Variants in ADGRE3 observed in about 807,000 individuals in gnomAD.
The protein encoded by ADGRE3 is adhesion G protein-coupled receptor E3.
A neutral mutation model predicts 80.1 loss-of-function variants in ADGRE3; 88 were observed. The ratio of observed to expected loss-of-function variants is 1.10; its 90% CI spans 0.93 to 1.31. The LOEUF (loss-of-function observed/expected upper bound fraction) is 1.31. Among genes scored for constraint, ADGRE3 ranks in the 40% most tolerant of loss-of-function variants. ADGRE3 has a pLI of 0.00. For missense variants in ADGRE3, 715 were observed against 776.5 expected (o/e 0.92, Z 0.94); for synonymous variants, 281 against 294.8 (o/e 0.95, Z 0.48).
At chr19:14,667,875 G>A (rs140701837) in intron 2 of ADGRE3, among the ~76,000 whole-genome samples, 2 of 152,150 alleles carry the variant, frequency 1.3e-5, no homozygotes, top group East Asian at 1.9e-4. Context: ...TGTACAGTTC[G>A]GTGGAATTTA....
In ADGRE3 at chr19:14,625,598, A is replaced by C. The variant is rs1970717917; in HGVS notation, c.1814T>G (p.Val605Gly). Residue 605 changes from valine (V) to glycine (G), a missense_variant and splice_region_variant, in exon 15 of 16, where the codon GTC (valine) becomes GGC (glycine). Transcript: ENST00000253673. ...AAACCACTTTTGATATTGTTTCTGG[A>C]CCTGGAACATCAAAGGAAATACCTG... is the stretch of plus-strand genomic sequence containing the variant. ...FLVYCLLSQQ[V>G]QKQYQKWFRE... 6.3e-7 allele frequency: 1 copy of C among 1,599,978 alleles called. No homozygotes were observed. Among genetic ancestry groups the C allele is most frequent in the African/African-American group, 1.3e-5 (1 of 74,602 alleles).
At chr19:14,655,372 G>T (rs113503225) in intron 5 of ADGRE3, among the ~76,000 whole-genome samples, 115 of 152,144 alleles carry the variant, frequency 7.6e-4, no homozygotes, top group African/African-American at 2.7e-3. Flanking sequence ...GAACTCAAAG[G>T]GTTTTTCTGG....
chr19:14,645,724 G>C (rs1451009254), intron 8 of ADGRE3, among the ~76,000 whole-genome samples: 1 of 151,966 alleles, frequency 6.6e-6, no homozygotes, highest in Non-Finnish European at 1.5e-5. Context: ...ATAATTTCAG[G>C]GTTTTAAGAA....
At chr19:14,652,882 A>G (rs367844708) in intron 6 of ADGRE3, among the ~76,000 whole-genome samples, 1 of 151,420 alleles carries the variant, frequency 6.6e-6, no homozygotes, top group East Asian at 1.9e-4. Flanking sequence ...GTTTACAAGT[A>G]TTTACTCTAA....
At chr19:14,620,626 C>A (rs1410244593) in intron 15 of ADGRE3, among the ~76,000 whole-genome samples, 8 of 113,530 alleles carry the variant, frequency 7.0e-5, no homozygotes, top group Non-Finnish European at 6.7e-5. Flanking sequence ...GTCACCCAGG[C>A]TGGAGTGCAG....
chr19:14,646,311 T>A (rs997908052), intron 8 of ADGRE3, among the ~76,000 whole-genome samples: 3 of 152,130 alleles, frequency 2.0e-5, no homozygotes, highest in Admixed American at 6.5e-5. Flanking sequence ...TTAGTAGAGA[T>A]GGGGTTTCAC....
chr19:14,651,107 G>A lies in ADGRE3; in HGVS notation c.675C>T (p.Asp225=), dbSNP rs748022045. ...QMNSMDIRCS[D]IIQGDTQGPS... is the part of the protein sequence containing the mutation. ...TACCTTGTGTGTCTCCCTGGATGATGTCACTGCAACGGATGTCCATTGAGT... is the reference window on the plus strand; with the variant it reads ...TACCTTGTGTGTCTCCCTGGATGATATCACTGCAACGGATGTCCATTGAGT... Residue 225 remains aspartate (D), a synonymous_variant, in exon 7 of 16, where the codon GAC becomes GAT. Transcript: ENST00000253673. 15 of 1,613,980 alleles carry A rather than the reference G, an allele frequency of 9.3e-6. 1 individual carries two copies. The highest frequency in any genetic ancestry group is 8.8e-5 in the South Asian group (8 of 91,084).
Position 14,620,486 on chromosome 19 carries a change from A to T in ADGRE3, c.1921-1015T>A, listed in dbSNP as rs1436315406. On this transcript the variant is annotated intron_variant, in intron 15 of 15. Coordinates refer to ENST00000253673, the MANE Select transcript of ADGRE3 (RefSeq NM_032571.5). ...TATGAATATATTATGAGTACATATG[A>T]ATATATATGAATATATGAATATATT... 3.5e-4 allele frequency among the ~76,000 whole-genome samples: 39 copies of T among 110,942 alleles called. 1 individual carries two copies. The highest frequency in any genetic ancestry group is 4.3e-4 in the Non-Finnish European group (23 of 54,096). 72.8% of individuals were successfully genotyped at this position (110,942 alleles called of 152,430 possible).
chr19:14,646,866 G>C (rs959225926), intron 8 of ADGRE3, among the ~76,000 whole-genome samples: 3 of 151,844 alleles, frequency 2.0e-5, no homozygotes, highest in African/African-American at 7.3e-5. Flanking sequence ...CAACTCCTGG[G>C]CTCAAGCAAT....
At chr19:14,623,293 A>T (rs953493576) in intron 15 of ADGRE3, among the ~76,000 whole-genome samples, 2 of 22,242 alleles carry the variant, frequency 9.0e-5, no homozygotes, top group East Asian at 8.5e-4. Context: ...CTTAAAAAAA[A>T]AAAAATAAAA....
rs1491114246 is a variant in ADGRE3 at position 14,636,168 on chromosome 19, T to TTCCTTCC, written c.1484+1936_1484+1937insGGAAGGA. On this transcript the variant is annotated intron_variant, in intron 11 of 15. Coordinates refer to ENST00000253673, the MANE Select transcript of ADGRE3 (RefSeq NM_032571.5). ...TTTCTTTCTTCCTTTCCTCCTTTCC[T>TTCCTTCC]TTCCTTTCCTTCCTCTTTCTTTCTT... Among the ~76,000 whole-genome samples, 185 of 60,528 alleles carry TTCCTTCC rather than the reference T, an allele frequency of 3.1e-3. 31 individuals carry two copies. The highest frequency in any genetic ancestry group is 8.5e-3 in the South Asian group (11 of 1,296). The allele number at this position is 60,528 out of a possible 152,430, so 39.7% of individuals were successfully genotyped here.
the ADGRE3 span, among the ~76,000 whole-genome samples, chr19:14,605,335 A>G: frequency 6.6e-6 from 1 of 151,268 alleles, no homozygotes; most frequent in Non-Finnish European, 1.5e-5. Flanking sequence ...ACCTCAGGTG[A>G]TCCACCTGTG....
chr19:14,642,042 A>G (rs1284485632), intron 9 of ADGRE3, among the ~76,000 whole-genome samples: 1 of 152,132 alleles, frequency 6.6e-6, no homozygotes, highest in Non-Finnish European at 1.5e-5. Flanking sequence ...GAGGAGAGAG[A>G]GAGAATAGGG....
Position 14,630,042 on chromosome 19 carries a change from C to A in ADGRE3, c.1809G>T (p.Gln603His), listed in dbSNP as rs747383330. 44 of 1,601,442 alleles carry A rather than the reference C, an allele frequency of 2.7e-5. No homozygotes were observed. Among genetic ancestry groups the A allele is most frequent in the Non-Finnish European group, 3.6e-5 (42 of 1,173,954 alleles). The stretch of plus-strand genomic sequence containing the variant: ...AAAGAAAGGGGTCAGTGTTTACCTG[C>A]TGGCTGAGGAGGCAGTAGACCAAGA... Reference protein sequence around the residue: ...FIFLVYCLLSQQVQKQYQKWF... With the variant: ...FIFLVYCLLSHQVQKQYQKWF... Residue 603 changes from glutamine (Q) to histidine (H), a missense_variant, in exon 14 of 16, where the codon CAG becomes CAT. Transcript: ENST00000253673.
intron 4 of ADGRE3, among the ~76,000 whole-genome samples, chr19:14,659,391 C>T (rs999192108): frequency 1.7e-4 from 26 of 152,018 alleles, no homozygotes; most frequent in Non-Finnish European, 2.8e-4. Flanking sequence ...CTGAAATGTC[C>T]GAGAAAACAG....
intron 11 of ADGRE3, among the ~76,000 whole-genome samples, 162 bp from the exon 12 acceptor site, chr19:14,633,464 T>A (rs1339960218): frequency 6.6e-6 from 1 of 152,086 alleles, no homozygotes; most frequent in Non-Finnish European, 1.5e-5. Context: ...CCCAGCACTT[T>A]GGGAGGCCGA....
At chr19:14,626,263 T>C (rs973842473) in intron 14 of ADGRE3, among the ~76,000 whole-genome samples, 2 of 151,880 alleles carry the variant, frequency 1.3e-5, no homozygotes, top group Non-Finnish European at 2.9e-5. Context: ...GGTGAAACCC[T>C]GTCTCTACTA....
chr19:14,624,863 C>G (rs540685820), intron 15 of ADGRE3, among the ~76,000 whole-genome samples: 1 of 151,986 alleles, frequency 6.6e-6, no homozygotes, highest in South Asian at 2.1e-4. Context: ...TAAGTGGGAG[C>G]TGAACAATGA....
intron 6 of ADGRE3, among the ~76,000 whole-genome samples, 194 bp from the exon 7 acceptor site, chr19:14,651,398 G>A (rs1447086401): frequency 2.6e-5 from 4 of 152,076 alleles, no homozygotes; most frequent in Non-Finnish European, 4.4e-5. Flanking sequence ...AATGTTCATA[G>A]CAACATAAAT....
Sources: allele counts gnomAD v4.1 joint callset (sites outside exome capture counted in the v4.1 genomes callset), GRCh38; gene constraint gnomAD v4.1.1; transcripts MANE v1.5; gene names NCBI Gene and HGNC (gene_info 2026-07-23, HGNC 2026-07-21).